SLC39A12: variants seen among roughly 807,000 people sequenced by gnomAD.
SLC39A12 encodes zinc transporter ZIP12.
A neutral mutation model predicts 71.1 loss-of-function variants in SLC39A12; 63 were observed. That is an observed-to-expected ratio of 0.89 (90% confidence interval 0.72 to 1.09). The LOEUF is 1.09. SLC39A12 is among the 50% of genes least tolerant of loss of function. SLC39A12 has a pLI of 0.00. For synonymous variants in SLC39A12, 351 were observed against 301.3 expected (o/e 1.16, Z -1.71); for missense variants, 892 against 812.6 (o/e 1.10, Z -1.19).
chr10:17,992,778 G>A (rs1835586799), intron 8 of SLC39A12, among the ~76,000 whole-genome samples: 1 of 152,120 alleles, frequency 6.6e-6, no homozygotes, highest in Non-Finnish European at 1.5e-5. Flanking sequence ...CAAGATTTAT[G>A]ATATTGCCTA....
intron 1 of SLC39A12, 64 bp downstream of exon 1, chr10:17,952,089 A>G (rs1834414263): frequency 6.6e-6 from 1 of 152,102 alleles, no homozygotes; most frequent in Non-Finnish European, 1.5e-5. Context: ...TAACATAACA[A>G]CCTTAAAGTG....
At chr10:17,964,771 G>C (rs888374480) in intron 3 of SLC39A12, among the ~76,000 whole-genome samples, 3 of 152,192 alleles carry the variant, frequency 2.0e-5, no homozygotes, top group Admixed American at 6.5e-5. Flanking sequence ...AGCAGAGCCT[G>C]TGTGAAGTCA....
intron 4 of SLC39A12, among the ~76,000 whole-genome samples, chr10:17,966,600 TG>T (rs1358717533): frequency 6.6e-6 from 1 of 152,066 alleles, no homozygotes; most frequent in Non-Finnish European, 1.5e-5. Context: ...AGTGTGCTAC[TG>T]TGCCCAGTTG....
intron 5 of SLC39A12, 87 bp downstream of exon 5, chr10:17,978,161 TAA>T (rs1298039936): frequency 7.9e-6 from 9 of 1,144,474 alleles, no homozygotes; most frequent in Non-Finnish European, 1.1e-5. Flanking sequence ...GTAGAAAACT[TAA>T]AGAGTATTGT....
chr10:17,969,921 T>G (rs1425871210), intron 4 of SLC39A12, among the ~76,000 whole-genome samples: 2 of 152,194 alleles, frequency 1.3e-5, no homozygotes, highest in African/African-American at 4.8e-5. Flanking sequence ...TCTGAAATCT[T>G]AGATTTAAGT....
At chr10:17,973,571 C>A (rs2130797611) in intron 4 of SLC39A12, among the ~76,000 whole-genome samples, 1 of 152,248 alleles carries the variant, frequency 6.6e-6, no homozygotes, top group East Asian at 1.9e-4. Context: ...TCTCTCGTGG[C>A]CTGTAAGTTT....
intron 6 of SLC39A12, among the ~76,000 whole-genome samples, chr10:17,986,544 G>T (rs1835402816): frequency 6.6e-6 from 1 of 152,084 alleles, no homozygotes; most frequent in Non-Finnish European, 1.5e-5. Flanking sequence ...ATTCAACAGG[G>T]GTGAAGAGTA....
At chr10:18,010,329 T>C (rs1836175160) in intron 12 of SLC39A12, among the ~76,000 whole-genome samples, 1 of 152,174 alleles carries the variant, frequency 6.6e-6, no homozygotes, top group Non-Finnish European at 1.5e-5. Flanking sequence ...AAAAGACATA[T>C]GAAGTAACCT....
chr10:17,986,373 A>T (rs529084903), intron 6 of SLC39A12, among the ~76,000 whole-genome samples: 9 of 152,192 alleles, frequency 5.9e-5, no homozygotes, highest in African/African-American at 2.2e-4. Context: ...CGGATGGCTT[A>T]TGTAAACAAC....
intron 12 of SLC39A12, among the ~76,000 whole-genome samples, chr10:18,017,627 C>G (rs1026924818): frequency 2.0e-5 from 3 of 152,122 alleles, no homozygotes; most frequent in Non-Finnish European, 2.9e-5. Flanking sequence ...TGTTCCAGCA[C>G]CATTTTTTGA....
At chr10:17,990,178 G>A (rs1639777239) in intron 7 of SLC39A12, among the ~76,000 whole-genome samples, 1 of 151,970 alleles carries the variant, frequency 6.6e-6, no homozygotes, top group Admixed American at 6.6e-5. Flanking sequence ...GTGCAATAAT[G>A]GTCATTAGAA....
At chr10:17,981,654 C>G (rs1835263282) in intron 6 of SLC39A12, among the ~76,000 whole-genome samples, 171 bp downstream of exon 6, 1 of 152,180 alleles carries the variant, frequency 6.6e-6, no homozygotes, top group African/African-American at 2.4e-5. Context: ...TCCCATTTTA[C>G]AGATGAGGAA....
intron 4 of SLC39A12, among the ~76,000 whole-genome samples, chr10:17,967,905 A>ATC (rs1834873644): frequency 6.9e-6 from 1 of 144,608 alleles, no homozygotes; most frequent in Non-Finnish European, 1.5e-5. Flanking sequence ...AAAAATATAT[A>ATC]TATATATATA....
intron 12 of SLC39A12, chr10:18,008,660 C>G (rs1205086985): frequency 6.6e-6 from 1 of 152,142 alleles, no homozygotes; most frequent in Non-Finnish European, 1.5e-5. Flanking sequence ...TCCCCAGGAA[C>G]AGGGATCTGT....
rs758540326 is a variant in SLC39A12 at position 17,995,664 on chromosome 10, A to G, written c.1542A>G (p.Pro514=). Reference sequence around the variant, plus strand: ...TTTTTAATTTAAAATAGAAAAGCCCAGAAGATTCACAGGCAGCTGAAATGC... The same window carrying G: ...TTTTTAATTTAAAATAGAAAAGCCCGGAAGATTCACAGGCAGCTGAAATGC... ...KSASTIQLKS[P]EDSQAAEMPI... The change falls in exon 10 of 13, where the codon CCA becomes CCG. Residue 514 remains proline, a synonymous_variant. Coordinates refer to ENST00000377369, the MANE Select transcript of SLC39A12 (RefSeq NM_001145195.2). The G allele has an allele frequency of 1.9e-6, 3 of 1,612,864 alleles. No homozygotes were observed. The highest frequency in any genetic ancestry group is 2.5e-6 in the Non-Finnish European group (3 of 1,179,542).
chr10:17,990,742 C>T (rs896341061), intron 7 of SLC39A12, among the ~76,000 whole-genome samples: 2 of 151,976 alleles, frequency 1.3e-5, no homozygotes, highest in Non-Finnish European at 2.9e-5. Context: ...GAATAAACCC[C>T]AGATGAAATA....
chr10:17,996,807 C>G (rs938251582), intron 10 of SLC39A12, among the ~76,000 whole-genome samples: 1 of 151,940 alleles, frequency 6.6e-6, no homozygotes, highest in Non-Finnish European at 1.5e-5. Context: ...ACCATCCTGG[C>G]TAATATGGTG....
chr10:17,997,325 G>A (rs1835716773), intron 10 of SLC39A12, among the ~76,000 whole-genome samples: 1 of 152,118 alleles, frequency 6.6e-6, no homozygotes, highest in African/African-American at 2.4e-5. Flanking sequence ...TGTTCTAAAT[G>A]TTTTAGATAC....
intron 3 of SLC39A12, among the ~76,000 whole-genome samples, chr10:17,963,153 C>A (rs1554848599): frequency 6.6e-6 from 1 of 151,638 alleles, no homozygotes; most frequent in Non-Finnish European, 1.5e-5. Flanking sequence ...AGAAAGAGAC[C>A]CTATCTCTAA....
Sources: gnomAD v4.1 joint callset for allele counts (sites outside exome capture counted in the v4.1 genomes callset) on GRCh38, gnomAD v4.1.1 for gene constraint, MANE v1.5 for transcripts, NCBI Gene and HGNC (gene_info 2026-07-23, HGNC 2026-07-21) for gene names.